Variants in PPP3CA observed in about 807,000 individuals in gnomAD.
PPP3CA encodes the protein protein phosphatase 3 catalytic subunit alpha.
PPP3CA carries 14 observed loss-of-function variants against 66.5 expected under a neutral mutation model. The observed-to-expected ratio is 0.21, with a 90% CI of 0.14 to 0.33. PPP3CA has a LOEUF of 0.33. PPP3CA is among the 10% of genes least tolerant of loss of function. The probability of loss-of-function intolerance (pLI) is 1.00; values close to 1 mark genes in which losing one functional copy is unlikely to be tolerated. For missense variants in PPP3CA, 317 were observed against 639.5 expected (o/e 0.50, Z 5.44); for synonymous variants, 232 against 226.2 (o/e 1.03, Z -0.23).
intron 10 of PPP3CA, among the ~76,000 whole-genome samples, chr4:101,055,401 A>G (rs1420481349): frequency 6.6e-6 from 1 of 152,130 alleles, no homozygotes; most frequent in African/African-American, 2.4e-5. Context: ...TTGAAACCAG[A>G]CTATCATTTT....
At chr4:101,040,284 T>C (rs1727454677) in intron 11 of PPP3CA, among the ~76,000 whole-genome samples, 198 bp downstream of exon 11, 1 of 152,236 alleles carries the variant, frequency 6.6e-6, no homozygotes, top group Non-Finnish European at 1.5e-5. Flanking sequence ...ACAGAAATAA[T>C]TTAGTAGATT....
chr4:101,065,857 C>G (rs1728658002), intron 8 of PPP3CA, among the ~76,000 whole-genome samples: 1 of 152,104 alleles, frequency 6.6e-6, no homozygotes, highest in Admixed American at 6.6e-5. Context: ...AACAGAAGTT[C>G]TGTTTTGCAG....
rs3974660 is a variant in PPP3CA at position 101,346,877 on chromosome 4, A to ACGCCGCCGC, written c.-90_-82dup. The ACGCCGCCGC allele has an allele frequency of 5.2e-3, 6,691 of 1,292,868 alleles. 45 individuals carry two copies. The highest frequency in any genetic ancestry group is 8.4e-3 in the African/African-American group (516 of 61,264). The allele number at this position is 1,292,868 out of a possible 1,614,324, so 80.1% of individuals were successfully genotyped here. A position where few individuals can be genotyped will look rare whatever the true frequency, so the allele number is the denominator to read the frequency against. On this transcript the variant is annotated 5_prime_UTR_variant, in exon 1 of 14. Coordinates refer to ENST00000394854, the MANE Select transcript of PPP3CA (RefSeq NM_000944.5). ...ACCGGACCGGCGGGCCAGACACTCA[A>ACGCCGCCGC]CGCCGCCGCCGCCGCCGCCGCCGCC...
chr4:101,201,473 T>A (rs768332072), intron 1 of PPP3CA, among the ~76,000 whole-genome samples: 3 of 152,228 alleles, frequency 2.0e-5, no homozygotes, highest in Non-Finnish European at 4.4e-5. Context: ...TACACAAATA[T>A]GAATTTCAGA....
intron 1 of PPP3CA, among the ~76,000 whole-genome samples, chr4:101,238,037 G>C (rs577337850): frequency 4.6e-5 from 7 of 152,014 alleles, no homozygotes; most frequent in African/African-American, 1.4e-4. Flanking sequence ...GTTGGTCCTG[G>C]GAGTGCTCTC....
chr4:101,338,817 C>A (rs1190324338), intron 1 of PPP3CA, among the ~76,000 whole-genome samples: 1 of 152,202 alleles, frequency 6.6e-6, no homozygotes, highest in African/African-American at 2.4e-5. Context: ...ATTAAATATA[C>A]ATGAACCAAC....
intron 2 of PPP3CA, among the ~76,000 whole-genome samples, chr4:101,126,961 C>T (rs1423202422): frequency 2.6e-5 from 4 of 152,112 alleles, no homozygotes; most frequent in Non-Finnish European, 5.9e-5. Flanking sequence ...AGGGTAAGTG[C>T]CAAGTGTAAG....
At chr4:101,078,281 C>T (rs1169393046) in intron 8 of PPP3CA, among the ~76,000 whole-genome samples, 1 of 152,158 alleles carries the variant, frequency 6.6e-6, no homozygotes, top group Non-Finnish European at 1.5e-5. Context: ...CTGCAGGTAT[C>T]TCAGGGTCCT....
chr4:101,233,356 C>T (rs1260163506), intron 1 of PPP3CA, among the ~76,000 whole-genome samples: 2 of 151,738 alleles, frequency 1.3e-5, no homozygotes, highest in East Asian at 3.9e-4. Context: ...ACCAACTGCT[C>T]GCTCTTTGAC....
At chr4:101,052,535 T>C (rs1418160741) in intron 10 of PPP3CA, among the ~76,000 whole-genome samples, 3 of 151,828 alleles carry the variant, frequency 2.0e-5, no homozygotes, top group East Asian at 3.9e-4. Flanking sequence ...GATTTAGCTT[T>C]TAAATTAGAC....
At chr4:101,076,182 C>CAAATGTTT (rs1729183123) in intron 8 of PPP3CA, among the ~76,000 whole-genome samples, 1 of 151,698 alleles carries the variant, frequency 6.6e-6, no homozygotes, top group Non-Finnish European at 1.5e-5. Context: ...AAGTGCTCTG[C>CAAATGTTT]AAATGTTTAA....
chr4:101,032,035 C>T (rs1414933016), intron 12 of PPP3CA, among the ~76,000 whole-genome samples: 1 of 152,158 alleles, frequency 6.6e-6, no homozygotes, highest in African/African-American at 2.4e-5. Context: ...TGTAGATTAA[C>T]ATGTGAATGA....
At chr4:101,170,668 C>T (rs1428591126) in intron 2 of PPP3CA, among the ~76,000 whole-genome samples, 1 of 152,064 alleles carries the variant, frequency 6.6e-6, no homozygotes, top group African/African-American at 2.4e-5. Context: ...CATGTCTGCA[C>T]TTTTCTTAGA....
chr4:101,145,095 T>C (rs916918709), intron 2 of PPP3CA, among the ~76,000 whole-genome samples: 1 of 152,178 alleles, frequency 6.6e-6, no homozygotes, highest in Admixed American at 6.5e-5. Context: ...TCATTTCTCA[T>C]GGACTGTGAT....
At chr4:101,160,402 T>C (rs1298584080) in intron 2 of PPP3CA, among the ~76,000 whole-genome samples, 3 of 152,130 alleles carry the variant, frequency 2.0e-5, no homozygotes, top group African/African-American at 7.2e-5. Context: ...ACGTGATTTC[T>C]TTAGTTTCCT....
At chr4:101,223,509 GTTC>G (rs1188389831) in intron 1 of PPP3CA, among the ~76,000 whole-genome samples, 2 of 151,686 alleles carry the variant, frequency 1.3e-5, no homozygotes, top group Non-Finnish European at 2.9e-5. Flanking sequence ...TCTTAATTTA[GTTC>G]TCTTCCCCTG....
At chr4:101,303,447 T>C (rs1357411158) in intron 1 of PPP3CA, among the ~76,000 whole-genome samples, 3 of 152,168 alleles carry the variant, frequency 2.0e-5, no homozygotes, top group African/African-American at 7.2e-5. Flanking sequence ...TGTACCTACA[T>C]ATCTACAACT....
At chr4:101,149,747 G>A (rs1723079045) in intron 2 of PPP3CA, among the ~76,000 whole-genome samples, 1 of 152,052 alleles carries the variant, frequency 6.6e-6, no homozygotes, top group African/African-American at 2.4e-5. Context: ...GACCTTAAGT[G>A]GCAGACAAAG....
At chr4:101,029,592 G>GTGAT (rs1314208060) in intron 12 of PPP3CA, among the ~76,000 whole-genome samples, 1 of 151,734 alleles carries the variant, frequency 6.6e-6, no homozygotes, top group Admixed American at 6.6e-5. Context: ...GCTATGCTTG[G>GTGAT]TGATTTAGTT....
Sources: allele counts gnomAD v4.1 joint callset (sites outside exome capture counted in the v4.1 genomes callset), GRCh38; gene constraint gnomAD v4.1.1; transcripts MANE v1.5; gene names NCBI Gene and HGNC (gene_info 2026-07-23, HGNC 2026-07-21).